ZNF423: variants seen among roughly 807,000 people sequenced by gnomAD.
ZNF423 encodes zinc finger protein 423.
Under a neutral mutation model 95.8 loss-of-function variants are expected in ZNF423, and 12 were observed. The observed-to-expected ratio is 0.13, with a 90% CI of 0.08 to 0.20. The LOEUF is 0.20. ZNF423 is among the 10% of genes least tolerant of loss of function. The pLI is 1.00. For synonymous variants in ZNF423, 749 were observed against 711.9 expected (o/e 1.05, Z -0.83); for missense variants, 1,316 against 1,737.1 (o/e 0.76, Z 4.31).
chr16:49,629,705 AC>A (rs1452989696), intron 4 of ZNF423, among the ~76,000 whole-genome samples: 1 of 152,138 alleles, frequency 6.6e-6, no homozygotes, highest in Non-Finnish European at 1.5e-5. Context: ...TGTTTTGTCT[AC>A]CTTTGAGGCA....
intron 2 of ZNF423, among the ~76,000 whole-genome samples, chr16:49,739,356 C>G (rs1331002742): frequency 6.6e-6 from 1 of 152,182 alleles, no homozygotes; most frequent in Admixed American, 6.5e-5. Context: ...GGAGGCCTCA[C>G]ATGCTCCTGA....
At chr16:49,551,263 A>G (rs549742232) in intron 5 of ZNF423, among the ~76,000 whole-genome samples, 12 of 152,352 alleles carry the variant, frequency 7.9e-5, no homozygotes, top group Non-Finnish European at 1.3e-4. Context: ...ATTCAACCTC[A>G]GTTCCAACAT....
chr16:49,714,639 A>AC (rs2143178642), intron 3 of ZNF423, among the ~76,000 whole-genome samples: 1 of 150,614 alleles, frequency 6.6e-6, no homozygotes, highest in South Asian at 2.1e-4. Context: ...AAAAAAAAAA[A>AC]CTGATGAGGC....
Position 49,663,361 on chromosome 16 carries a change from G to A in ZNF423, c.302-24487C>T, listed in dbSNP as rs187537122. Among the ~76,000 whole-genome samples, 140 of 152,214 alleles carry A rather than the reference G, an allele frequency of 9.2e-4. 1 individual carries two copies. The East Asian group carries it at 0.022, about 24-fold the overall frequency. ...CTGAGGAGAACAAGTGGCTGGCCAC[G>A]AGAAACACCCGATTACCACTGAGGC... On this transcript the variant is annotated intron_variant, in intron 3 of 7. Coordinates refer to ENST00000563137, the MANE Select transcript of ZNF423 (RefSeq NM_001379286.1).
At chr16:49,509,071 T>C (rs1381123201) in intron 7 of ZNF423, among the ~76,000 whole-genome samples, 3 of 152,218 alleles carry the variant, frequency 2.0e-5, no homozygotes, top group Non-Finnish European at 4.4e-5. Context: ...GCTCTTTATA[T>C]ATTATCTTTA....
At chr16:49,570,834 C>T (rs1043956660) in intron 5 of ZNF423, among the ~76,000 whole-genome samples, 1 of 152,204 alleles carries the variant, frequency 6.6e-6, no homozygotes, top group African/African-American at 2.4e-5. Context: ...CAGCCTCCAT[C>T]CCATCACTCA....
intron 7 of ZNF423, among the ~76,000 whole-genome samples, chr16:49,498,079 G>A (rs554578709): frequency 2.0e-5 from 3 of 152,144 alleles, no homozygotes; most frequent in South Asian, 2.1e-4. Flanking sequence ...GTGAACCCCT[G>A]GACAACAGCA....
chr16:49,569,138 T>C (rs1567473959), intron 5 of ZNF423, among the ~76,000 whole-genome samples: 4 of 152,226 alleles, frequency 2.6e-5, no homozygotes. Flanking sequence ...CCACCTCTGC[T>C]ACCAGCATCC....
chr16:49,753,440 A>G (rs2143584893), intron 2 of ZNF423, among the ~76,000 whole-genome samples: 1 of 46,070 alleles, frequency 2.2e-5, no homozygotes, highest in African/African-American at 7.9e-5. Context: ...TGTCTACAGA[A>G]AAAAAAAAAA....
intron 3 of ZNF423, among the ~76,000 whole-genome samples, chr16:49,709,173 T>C (rs909742120): frequency 6.8e-6 from 1 of 148,044 alleles, no homozygotes; most frequent in Non-Finnish European, 1.5e-5. Flanking sequence ...GCCGTTTATA[T>C]ATATATATAT....
At chr16:49,756,229 C>T (rs535544828) in intron 2 of ZNF423, among the ~76,000 whole-genome samples, 14 of 152,234 alleles carry the variant, frequency 9.2e-5, no homozygotes, top group African/African-American at 1.9e-4. Context: ...CAGCCCAGGC[C>T]GCCTATCACC....
chr16:49,520,020 C>T (rs1480139542), intron 7 of ZNF423, among the ~76,000 whole-genome samples: 1 of 152,212 alleles, frequency 6.6e-6, no homozygotes, highest in Non-Finnish European at 1.5e-5. Context: ...ACCACACTTA[C>T]CAAGGAGTGT....
At chr16:49,762,625 G>T (rs956409338) in intron 2 of ZNF423, among the ~76,000 whole-genome samples, 1 of 152,172 alleles carries the variant, frequency 6.6e-6, no homozygotes, top group Admixed American at 6.5e-5. Flanking sequence ...GAAGGCCCAA[G>T]ACTTACTTTA....
At chr16:49,650,750 A>G (rs115542401) in intron 3 of ZNF423, among the ~76,000 whole-genome samples, 1,733 of 152,314 alleles carry the variant, frequency 0.011, 34 homozygotes, top group African/African-American at 0.039. Flanking sequence ...AGGAAAAAGA[A>G]CAGAGAGGTT....
intron 2 of ZNF423, among the ~76,000 whole-genome samples, chr16:49,769,406 A>G (rs2033991347): frequency 6.6e-6 from 1 of 151,600 alleles, no homozygotes; most frequent in African/African-American, 2.4e-5. Flanking sequence ...AAGGCAAGAA[A>G]AGAAAAAAGA....
At chr16:49,578,686 C>T (rs1400011317) in intron 5 of ZNF423, among the ~76,000 whole-genome samples, 1 of 152,236 alleles carries the variant, frequency 6.6e-6, no homozygotes, top group African/African-American at 2.4e-5. Context: ...CATGGGCTCC[C>T]ACAGTAGGCA....
In ZNF423 at chr16:49,855,124, A is replaced by C; in HGVS notation, c.40+611T>G. 12 of 780,854 alleles carry C rather than the reference A, an allele frequency of 1.5e-5. No individual in the cohort carries two copies. Among genetic ancestry groups the C allele is most frequent in the African/African-American group, 1.9e-5 (1 of 52,260 alleles). The allele number at this position is 780,854 out of a possible 1,614,324, so 48.4% of individuals were successfully genotyped here. ...AAGTGCAGGGGCCCGGGCCGGGAGA[A>C]GGCCTGGGCAGGGGCGGGAGGGGGC... On this transcript the variant is annotated intron_variant, in intron 1 of 7. Transcript: ENST00000563137. This position sits in a 1 kb window ranked among gnomAD's most constrained non-coding sequence, Gnocchi z 4.7.
At chr16:49,514,875 G>A (rs373041296) in intron 7 of ZNF423, among the ~76,000 whole-genome samples, 24 of 152,322 alleles carry the variant, frequency 1.6e-4, no homozygotes, top group African/African-American at 5.5e-4. Context: ...TCAAGGACAT[G>A]TGCATGTGTG....
At chr16:49,770,775 C>T (rs1315266477) in intron 2 of ZNF423, among the ~76,000 whole-genome samples, 3 of 152,226 alleles carry the variant, frequency 2.0e-5, no homozygotes, top group Middle Eastern at 3.2e-3. Flanking sequence ...ACATCACCCA[C>T]CAACGTGGCT....
Sources: allele counts gnomAD v4.1 joint callset (sites outside exome capture counted in the v4.1 genomes callset), GRCh38; gene constraint gnomAD v4.1.1; non-coding constraint Gnocchi (gnomAD v3.1); transcripts MANE v1.5; gene names NCBI Gene and HGNC (gene_info 2026-07-23, HGNC 2026-07-21).